SLIT1: variants seen among roughly 807,000 people sequenced by gnomAD.
SLIT1 encodes slit guidance ligand 1.
Under a neutral mutation model 186.1 loss-of-function variants are expected in SLIT1, and 66 were observed. The observed-to-expected ratio is 0.35, with a 90% CI of 0.29 to 0.44. SLIT1 has a LOEUF of 0.44. Among genes scored for constraint, SLIT1 ranks in the 20% least tolerant of loss-of-function variants. SLIT1 has a pLI of 1.00. For missense variants in SLIT1, 1,638 were observed against 2,037.4 expected, an observed-to-expected ratio of 0.80 and a Z score of 3.77; for synonymous variants, 761 against 833.8, an observed-to-expected ratio of 0.91 and a Z score of 1.50.
In SLIT1 at chr10:97,031,695, G is replaced by A. The variant is rs901239131; in HGVS notation, c.2439-18C>T. The A allele has an allele frequency of 5.2e-6, 8 of 1,546,946 alleles. No individual in the cohort carries two copies. In the African/African-American group the frequency reaches 8.2e-5, roughly 16 times the overall value. ...TGAGGATCCTGCGGAGGAAGGAGAT[G>A]GAGGAAGGGCACTGTGTTAGTGCCT... On this transcript the variant is annotated intron_variant, in intron 23 of 36. Coordinates refer to ENST00000266058, the MANE Select transcript of SLIT1 (RefSeq NM_003061.3).
chr10:97,063,274 G>T (rs1025407347), intron 8 of SLIT1, among the ~76,000 whole-genome samples, 181 bp downstream of exon 8: 2 of 151,896 alleles, frequency 1.3e-5, no homozygotes, highest in Admixed American at 1.3e-4. Flanking sequence ...GGGGCAGGAG[G>T]GGCAGATAGT....
chr10:97,071,647 C>A (rs1428135049), intron 4 of SLIT1, among the ~76,000 whole-genome samples: 1 of 152,090 alleles, frequency 6.6e-6, no homozygotes, highest in Non-Finnish European at 1.5e-5. Flanking sequence ...ACCATGTGAC[C>A]ACATGCCAGG....
chr10:97,090,677 T>C (rs1350881612), intron 4 of SLIT1, among the ~76,000 whole-genome samples: 2 of 152,224 alleles, frequency 1.3e-5, no homozygotes, highest in Non-Finnish European at 2.9e-5. Flanking sequence ...CACTGAGCGC[T>C]GCCACAGGGT....
rs368693136 is a variant in SLIT1 at position 97,153,069 on chromosome 10, T to C, written c.413+4749A>G. ...TCTGTGCTCATGCTTTATTATTTCT[T>C]TAGGGCAGATGCCCAAATATGAGAT... On this transcript the variant is annotated intron_variant, in intron 4 of 36. Coordinates refer to ENST00000266058, the MANE Select transcript of SLIT1 (RefSeq NM_003061.3). 1.4e-4 allele frequency: 21 copies of C among 152,368 alleles called. 1 individual carries two copies. In the East Asian group the frequency reaches 3.8e-3, roughly 28 times the overall value. 9.4% of individuals were successfully genotyped at this position (152,368 alleles called of 1,614,324 possible).
intron 4 of SLIT1, among the ~76,000 whole-genome samples, chr10:97,156,467 A>G (rs1175676561): frequency 6.6e-6 from 1 of 152,108 alleles, no homozygotes; most frequent in Non-Finnish European, 1.5e-5. Flanking sequence ...AGTCCCAGCT[A>G]CTCTGGAGGC....
intron 1 of SLIT1, among the ~76,000 whole-genome samples, chr10:97,166,623 G>GAAAGAAAAA (rs3979552): frequency 4.7e-5 from 2 of 42,678 alleles, no homozygotes; most frequent in African/African-American, 9.6e-5. Context: ...AAGAAAGAAA[G>GAAAGAAAAA]AGAAAAGAAA....
rs114906150 is a variant in SLIT1, at chr10:97,125,909, T to C, written c.413+31909A>G. Among the ~76,000 whole-genome samples, 337 of 152,112 alleles carry C rather than the reference T, an allele frequency of 2.2e-3. 3 individuals are homozygous for C. Among genetic ancestry groups the C allele is most frequent in the African/African-American group, 7.9e-3 (328 of 41,488 alleles). The stretch of plus-strand genomic sequence containing the variant: ...GTGCTAAGAACAGGAACACCAGCTG[T>C]ATATGTGCTGATATACAGTGGTCTC... On this transcript the variant is annotated intron_variant, in intron 4 of 36. Coordinates refer to ENST00000266058, the MANE Select transcript of SLIT1 (RefSeq NM_003061.3).
intron 36 of SLIT1, among the ~76,000 whole-genome samples, 181 bp downstream of exon 36, chr10:97,001,977 G>A (rs1385737723): frequency 1.3e-5 from 2 of 152,184 alleles, no homozygotes; most frequent in Non-Finnish European, 2.9e-5. Flanking sequence ...AGGGCAAACT[G>A]GGCCAGGAGA....
chr10:97,134,274 T>C (rs1452422570), intron 4 of SLIT1, among the ~76,000 whole-genome samples: 1 of 152,168 alleles, frequency 6.6e-6, no homozygotes, highest in Non-Finnish European at 1.5e-5. Flanking sequence ...GCGTGACAAA[T>C]GACTGAGGAG....
chr10:97,033,156 C>G (rs1848607179), intron 23 of SLIT1, among the ~76,000 whole-genome samples: 1 of 151,898 alleles, frequency 6.6e-6, no homozygotes, highest in African/African-American at 2.4e-5. Context: ...TCAAACCATC[C>G]TCCCACCTCA....
At chr10:97,161,432 C>G (rs1221281039) in intron 3 of SLIT1, among the ~76,000 whole-genome samples, 1 of 152,182 alleles carries the variant, frequency 6.6e-6, no homozygotes, top group Non-Finnish European at 1.5e-5. Flanking sequence ...AGGAGGGCAA[C>G]GAGGCAATCG....
chr10:97,031,548 G>A (rs2134609368), intron 24 of SLIT1, 58 bp downstream of exon 24: 1 of 1,379,214 alleles, frequency 7.3e-7, no homozygotes, highest in Middle Eastern at 1.8e-4. Flanking sequence ...CACCAGGTGG[G>A]TGGCAGGACC....
chr10:97,106,491 C>T (rs1564677528), intron 4 of SLIT1, among the ~76,000 whole-genome samples: 3 of 152,166 alleles, frequency 2.0e-5, no homozygotes, highest in East Asian at 3.8e-4. Context: ...TCAGGTCTGC[C>T]AGACTGCAAA....
At chr10:97,107,076 G>C (rs1022988208) in intron 4 of SLIT1, among the ~76,000 whole-genome samples, 1 of 152,224 alleles carries the variant, frequency 6.6e-6, no homozygotes, top group Non-Finnish European at 1.5e-5. Flanking sequence ...GAGCCTTGAG[G>C]GTCCTCCAGG....
At position 97,095,623 on chromosome 10, in the gene SLIT1, CT is replaced by C. The variant is rs533688703; in HGVS notation, c.414-29538del. Among the ~76,000 whole-genome samples, 13 of 152,312 alleles carry C rather than the reference CT, an allele frequency of 8.5e-5. No individual in the cohort carries two copies. In the South Asian group the frequency reaches 2.5e-3, roughly 29 times the overall value. On this transcript the variant is annotated intron_variant, in intron 4 of 36. Transcript: ENST00000266058. ...CGATTGGTCCCTGAAGCTATTCCCC[CT>C]GGTTAGAAAAGCCACCATACTGCAG...
Position 97,040,096 on chromosome 10 carries a change from G to C in SLIT1, c.2189C>G (p.Pro730Arg). Residue 730 changes from proline to arginine, a missense_variant, in exon 21 of 37, where the codon CCC becomes CGC. By Grantham distance (103) the Pro-to-Arg change is moderately radical. This residue lies in a region of SLIT1 where 1,245 missense variants were observed against 1,535.3 expected (regional missense o/e 0.81). Transcript: ENST00000266058. Reference sequence around the variant, plus strand: ...GCACTCCTGTGGGCACTGTGGGCGGGGCAGGCAGCCCCCCTCCTCCTGGCC... The same window carrying C: ...GCACTCCTGTGGGCACTGTGGGCGGCGCAGGCAGCCCCCCTCCTCCTGGCC... ...EEGQEEGGCL[P>R]RPQCPQECAC... The C allele has an allele frequency of 1.9e-6, 3 of 1,589,066 alleles. No homozygotes were observed. The highest frequency in any genetic ancestry group is 2.6e-6 in the Non-Finnish European group (3 of 1,168,270).
intron 4 of SLIT1, among the ~76,000 whole-genome samples, chr10:97,141,657 G>A (rs887229078): frequency 6.8e-6 from 1 of 147,952 alleles, no homozygotes; most frequent in Non-Finnish European, 1.5e-5. Context: ...GCATTGTATT[G>A]TATTGCATTG....
Position 97,163,368 on chromosome 10 carries a change from G to A in SLIT1, c.341+12C>T. 1 of 1,612,616 alleles carries A rather than the reference G, an allele frequency of 6.2e-7. No homozygotes were observed. ...CCCCCGCCCTCCTGGCCTGCACCCT[G>A]CCAGGACTCACAGCCGCTCCAGCTC... On this transcript the variant is annotated intron_variant, in intron 3 of 36. Transcript: ENST00000266058.
rs1309241172 is a variant in SLIT1, at chr10:97,037,770, CAG to C, written c.2298-6_2298-5del. On this transcript the variant is annotated splice_region_variant and splice_polypyrimidine_tract_variant and intron_variant, in intron 21 of 36. Transcript: ENST00000266058. ...GAACTGGTTCCCGTCCAAATAGCTG[CAG>C]AGAGAACACAGCGGCGTTAGTGCCC... The C allele has an allele frequency of 1.2e-6, 2 of 1,602,314 alleles. No homozygotes were observed. Among genetic ancestry groups the C allele is most frequent in the East Asian group, 4.5e-5 (2 of 44,504 alleles).
Sources: allele counts gnomAD v4.1 joint callset (sites outside exome capture counted in the v4.1 genomes callset), GRCh38; gene constraint gnomAD v4.1.1; regional missense constraint gnomAD v4.1.1; transcripts MANE v1.5; gene names NCBI Gene and HGNC (gene_info 2026-07-23, HGNC 2026-07-21).